Variants in PTH2R observed in about 807,000 individuals in gnomAD.
PTH2R encodes parathyroid hormone 2 receptor.
A neutral mutation model predicts 60.3 loss-of-function variants in PTH2R; 59 were observed. The observed-to-expected ratio is 0.98, with a 90% confidence interval of 0.79 to 1.22. PTH2R has a LOEUF of 1.22. Ranked by LOEUF, PTH2R falls within the 50% of genes most tolerant of loss-of-function variation. The probability of loss-of-function intolerance (pLI) is 0.00; values close to 1 mark genes in which losing one functional copy is unlikely to be tolerated. For synonymous variants in PTH2R, 256 were observed against 243.8 expected, an observed-to-expected ratio of 1.05 and a Z score of -0.47; for missense variants, 749 against 682.6, an observed-to-expected ratio of 1.10 and a Z score of -1.08.
rs1034141011 is a variant in PTH2R, at chr2:208,493,810, G to A, written c.*151G>A. On this transcript the variant is annotated 3_prime_UTR_variant, in exon 13 of 13. Coordinates refer to ENST00000272847, the MANE Select transcript of PTH2R (RefSeq NM_005048.4). ...TTTTAGGCTCCATGAATTGGCTCCT[G>A]TAAATACTAACGACATGAAAATGCA... 1.6e-5 allele frequency: 12 copies of A among 770,894 alleles called. No individual in the cohort carries two copies. In the African/African-American group the frequency reaches 1.9e-4, roughly 12 times the overall value. 47.8% of individuals were successfully genotyped at this position (770,894 alleles called of 1,614,324 possible).
In PTH2R at chr2:208,406,989, G is replaced by T; in HGVS notation, c.-55G>T. On this transcript the variant is annotated 5_prime_UTR_variant, in exon 1 of 13. Transcript: ENST00000272847. ...GGCCAGCCAAGTTGGCAACTTGGAA[G>T]CTTCTCCCGGGCTCTGGAGGAGGGT... The T allele has an allele frequency of 7.5e-7, 1 of 1,342,202 alleles. No individual in the cohort carries two copies. Among genetic ancestry groups the T allele is most frequent in the South Asian group, 2.2e-5 (1 of 44,480 alleles). 83.1% of individuals were successfully genotyped at this position (1,342,202 alleles called of 1,614,324 possible). A position where few individuals can be genotyped will look rare whatever the true frequency, so the allele number is the denominator to read the frequency against.
exon 1 of PTH2R, chr2:208,360,163 CT>C: frequency 4.4e-6 from 2 of 453,838 alleles, no homozygotes; most frequent in East Asian, 7.0e-5. Context: ...CAGCATAGTG[CT>C]TTTTCTTTTC....
intron 8 of PTH2R, 82 bp downstream of exon 8, chr2:208,450,891 C>G (rs745545053): frequency 1.8e-4 from 259 of 1,464,020 alleles, no homozygotes; most frequent in Non-Finnish European, 1.4e-4. Flanking sequence ...ACACTCGCTT[C>G]TGTTCTTGAT....
intron 1 of PTH2R, among the ~76,000 whole-genome samples, chr2:208,424,469 C>T (rs1701818349): frequency 6.6e-6 from 1 of 152,128 alleles, no homozygotes; most frequent in Non-Finnish European, 1.5e-5. Context: ...GTGTGAGAGC[C>T]CTGCCTTCAT....
Position 208,433,776 on chromosome 2 carries a change from G to T in PTH2R, c.179-3761G>T, listed in dbSNP as rs370131162. Among the ~76,000 whole-genome samples, 5 of 152,226 alleles carry T rather than the reference G, an allele frequency of 3.3e-5. No homozygotes were observed. The South Asian group carries it at 1.0e-3, about 32-fold the overall frequency. On this transcript the variant is annotated intron_variant, in intron 2 of 12. Coordinates refer to ENST00000272847, the MANE Select transcript of PTH2R (RefSeq NM_005048.4). ...ATTATTTCAAGTGTGGTCACATTTC[G>T]TTTGAAAAGAGAAAAACGTTCTCCA... is the stretch of plus-strand genomic sequence containing the variant.
At chr2:208,363,202 C>T (rs778870075) in intron 1 of PTH2R, among the ~76,000 whole-genome samples, 1 of 151,976 alleles carries the variant, frequency 6.6e-6, no homozygotes, top group Non-Finnish European at 1.5e-5. Flanking sequence ...GAAGTAGGCC[C>T]CAGTGTTTAT....
rs148653900 is a variant in PTH2R, at chr2:208,473,674, C to T, written c.982-7396C>T. 3.5e-3 allele frequency among the ~76,000 whole-genome samples: 533 copies of T among 152,106 alleles called. 3 individuals carry two copies. Among genetic ancestry groups the T allele is most frequent in the African/African-American group, 0.012 (510 of 41,484 alleles). On this transcript the variant is annotated intron_variant, in intron 9 of 12. Coordinates refer to ENST00000272847, the MANE Select transcript of PTH2R (RefSeq NM_005048.4). Reference sequence around the variant, plus strand: ...AGGGATGATCTATTCTTTTATTTTCCTAGAATGCCTGACCTTTATTGGTGC... The same window carrying T: ...AGGGATGATCTATTCTTTTATTTTCTTAGAATGCCTGACCTTTATTGGTGC...
chr2:208,454,140 C>A (rs1449159319), intron 8 of PTH2R, among the ~76,000 whole-genome samples: 1 of 151,632 alleles, frequency 6.6e-6, no homozygotes, highest in Non-Finnish European at 1.5e-5. Context: ...TGAGGGGCTA[C>A]ATGATGAATG....
chr2:208,485,626 A>G (rs1338170483), intron 10 of PTH2R, among the ~76,000 whole-genome samples: 1 of 152,248 alleles, frequency 6.6e-6, no homozygotes, highest in Non-Finnish European at 1.5e-5. Flanking sequence ...ATAATTAGTT[A>G]CATTCCACTG....
chr2:208,452,468 C>T (rs537336664), intron 8 of PTH2R, among the ~76,000 whole-genome samples: 2 of 152,242 alleles, frequency 1.3e-5, no homozygotes, highest in South Asian at 4.1e-4. Context: ...CAAACTCATC[C>T]TTCCATTAAT....
At chr2:208,426,883 A>G (rs1291195454) in intron 1 of PTH2R, among the ~76,000 whole-genome samples, 3 of 152,210 alleles carry the variant, frequency 2.0e-5, no homozygotes, top group African/African-American at 4.8e-5. Flanking sequence ...CTAAAGATCA[A>G]TTTAACAGAT....
At chr2:208,488,357 A>T (rs1321600981) in intron 10 of PTH2R, among the ~76,000 whole-genome samples, 2 of 152,224 alleles carry the variant, frequency 1.3e-5, no homozygotes, top group African/African-American at 4.8e-5. Flanking sequence ...CAAGGGAGTA[A>T]TTGATTTTAA....
chr2:208,447,143 T>G (rs1444736585), intron 7 of PTH2R, among the ~76,000 whole-genome samples: 1 of 152,194 alleles, frequency 6.6e-6, no homozygotes, highest in African/African-American at 2.4e-5. Flanking sequence ...ATTTTATTTC[T>G]TATTATTTGT....
chr2:208,428,035 A>G (rs1240911213), intron 1 of PTH2R, among the ~76,000 whole-genome samples, 166 bp from the exon 2 acceptor site: 1 of 152,122 alleles, frequency 6.6e-6, no homozygotes. Context: ...TTGTTCTAAA[A>G]CCTTACACAT....
At chr2:208,392,752 A>T (rs1005817003) in intron 1 of PTH2R, among the ~76,000 whole-genome samples, 8 of 152,168 alleles carry the variant, frequency 5.3e-5, no homozygotes, top group African/African-American at 1.9e-4. Flanking sequence ...GAGAAGAGAG[A>T]CTGGCTCCAG....
rs144680820 is a variant in PTH2R, at chr2:208,409,094, C to A, written c.75+1976C>A. Among the ~76,000 whole-genome samples the A allele has an allele frequency of 6.4e-4, 98 of 152,226 alleles. 2 individuals carry two copies. In the East Asian group the frequency reaches 0.016, roughly 25 times the overall value. ...GGCAAAATCACTCCTGGTTGAAAAT[C>A]ATTGCTTTACACGGATTTCCATTTA... On this transcript the variant is annotated intron_variant, in intron 1 of 12. Coordinates refer to ENST00000272847, the MANE Select transcript of PTH2R (RefSeq NM_005048.4).
At chr2:208,450,697 A>G (rs778126367) in intron 7 of PTH2R, 52 bp from the exon 8 acceptor site, 69 of 1,572,680 alleles carry the variant, frequency 4.4e-5, no homozygotes, top group Non-Finnish European at 5.7e-5. Flanking sequence ...TGAGGAAAAA[A>G]CCTCCTTAAT....
intron 1 of PTH2R, among the ~76,000 whole-genome samples, chr2:208,409,552 A>C (rs1701498164): frequency 6.6e-6 from 1 of 152,228 alleles, no homozygotes; most frequent in East Asian, 1.9e-4. Flanking sequence ...TATTTCAAAA[A>C]AATTATAACA....
chr2:208,406,112 G>T (rs572321449), upstream of PTH2R, among the ~76,000 whole-genome samples: 2 of 152,274 alleles, frequency 1.3e-5, no homozygotes, highest in East Asian at 1.9e-4. Flanking sequence ...TTTGCTCAGG[G>T]TTATGCAGCT....
Sources: gnomAD v4.1 joint callset for allele counts (sites outside exome capture counted in the v4.1 genomes callset) on GRCh38, gnomAD v4.1.1 for gene constraint, MANE v1.5 for transcripts, NCBI Gene and HGNC (gene_info 2026-07-23, HGNC 2026-07-21) for gene names.